TM9SF2: variants seen among roughly 807,000 people sequenced by gnomAD.
The protein encoded by TM9SF2 is 76 kDa membrane protein.
In TM9SF2, 13 loss-of-function variants were observed where a neutral mutation model predicts 84.9. That is an observed-to-expected ratio of 0.15 (90% confidence interval 0.10 to 0.24). The LOEUF (loss-of-function observed/expected upper bound fraction) is 0.24, where lower values mean the gene tolerates loss of function less well. TM9SF2 is among the 10% of genes least tolerant of loss of function. The pLI, the probability that TM9SF2 is intolerant of heterozygous loss-of-function variation, is 1.00. For missense variants in TM9SF2, 562 were observed against 818.5 expected (o/e 0.69, Z 3.82); for synonymous variants, 273 against 285.8 (o/e 0.96, Z 0.45).
chr13:99,508,439 A>ACC (rs1566562089), intron 1 of TM9SF2, among the ~76,000 whole-genome samples: 1 of 151,448 alleles, frequency 6.6e-6, no homozygotes, highest in African/African-American at 2.4e-5. Flanking sequence ...ACACACACAC[A>ACC]CACACCCCAG....
At chr13:99,539,839 T>C (rs1355722350) in intron 7 of TM9SF2, among the ~76,000 whole-genome samples, 2 of 152,190 alleles carry the variant, frequency 1.3e-5, no homozygotes, top group Admixed American at 1.3e-4. Context: ...GAGGACGGGA[T>C]GGAAATGCCA....
intron 3 of TM9SF2, among the ~76,000 whole-genome samples, chr13:99,523,916 C>T (rs998186525): frequency 1.3e-5 from 2 of 151,964 alleles, no homozygotes; most frequent in Non-Finnish European, 2.9e-5. Flanking sequence ...AAAGCCTTAC[C>T]GAGAAGGTGA....
intron 2 of TM9SF2, 26 bp downstream of exon 2, chr13:99,517,707 A>T (rs753070585): frequency 1.2e-5 from 18 of 1,511,842 alleles, no homozygotes; most frequent in Middle Eastern, 1.7e-4. Flanking sequence ...TGGCTTTTAT[A>T]TAAAATTTTA....
At chr13:99,555,383 C>T (rs547532526) in intron 14 of TM9SF2, among the ~76,000 whole-genome samples, 153 bp from the exon 15 acceptor site, 6 of 152,284 alleles carry the variant, frequency 3.9e-5, no homozygotes, top group African/African-American at 1.2e-4. Flanking sequence ...CCTTCCCCAC[C>T]CCATCACCAT....
At chr13:99,547,751 C>G (rs552230903) in intron 11 of TM9SF2, among the ~76,000 whole-genome samples, 1 of 152,278 alleles carries the variant, frequency 6.6e-6, no homozygotes, top group South Asian at 2.1e-4. Flanking sequence ...GCAGGGTCAG[C>G]AGGGACCAGA....
Position 99,543,849 on chromosome 13 carries a change from C to A in TM9SF2, c.1018-14C>A. 6.2e-7 allele frequency: 1 copy of A among 1,613,272 alleles called. No homozygotes were observed. The highest frequency in any genetic ancestry group is 8.5e-7 in the Non-Finnish European group (1 of 1,179,502). On this transcript the variant is annotated splice_polypyrimidine_tract_variant and intron_variant, in intron 9 of 16. Transcript: ENST00000376387. ...TACCATGAGACAATCGAACTGATTT[C>A]ATTCCCCTTTTAGGAAGATGCCCAG...
chr13:99,535,497 C>T (rs757876255), intron 4 of TM9SF2, among the ~76,000 whole-genome samples: 1 of 152,050 alleles, frequency 6.6e-6, no homozygotes, highest in Non-Finnish European at 1.5e-5. Context: ...TATAACAATG[C>T]GTTTATGCTT....
intron 4 of TM9SF2, among the ~76,000 whole-genome samples, chr13:99,533,123 T>A (rs1194368295): frequency 2.0e-5 from 3 of 152,236 alleles, no homozygotes; most frequent in Non-Finnish European, 4.4e-5. Context: ...CATGGGAATT[T>A]ACAGTATTCT....
At position 99,547,097 on chromosome 13, in the gene TM9SF2, C is replaced by G; in HGVS notation, c.1263C>G (p.Phe421Leu). The G allele has an allele frequency of 6.2e-7, 1 of 1,614,092 alleles. No individual in the cohort carries two copies. Among genetic ancestry groups the G allele is most frequent in the Non-Finnish European group, 8.5e-7 (1 of 1,179,998 alleles). Residue 421 changes from phenylalanine to leucine, a missense_variant, in exon 11 of 17, where the codon TTC becomes TTG. Around this residue, in one of 4 missense-constraint regions of TM9SF2, gnomAD observed 219 missense variants for 338.1 expected, o/e 0.65. Coordinates refer to ENST00000376387, the MANE Select transcript of TM9SF2 (RefSeq NM_004800.3). The stretch of plus-strand genomic sequence containing the variant: ...CTGCAGGCTATGTTGCTGCCAGATT[C>G]TATAAGTGTAAGTCAAAGCCACTGT... ...GTPAGYVAAR[F>L]YKSFGGEKWK...
intron 12 of TM9SF2, among the ~76,000 whole-genome samples, chr13:99,550,115 C>T (rs9517767): frequency 6.6e-6 from 1 of 151,990 alleles, no homozygotes; most frequent in Non-Finnish European, 1.5e-5. Flanking sequence ...TCAGGCACCT[C>T]TCCCTCTAGT....
At chr13:99,544,356 A>G (rs544554196) in intron 10 of TM9SF2, among the ~76,000 whole-genome samples, 3 of 151,744 alleles carry the variant, frequency 2.0e-5, no homozygotes, top group African/African-American at 7.3e-5. Context: ...AAAAAAAACA[A>G]AAAACACCAC....
chr13:99,558,095 A>G (rs1348853406), intron 15 of TM9SF2, among the ~76,000 whole-genome samples: 1 of 152,190 alleles, frequency 6.6e-6, no homozygotes, highest in Non-Finnish European at 1.5e-5. Flanking sequence ...TCCTCATTTA[A>G]TGGTCTTGGC....
chr13:99,555,765 T>A, intron 15 of TM9SF2, 118 bp downstream of exon 15: 1 of 580,764 alleles, frequency 1.7e-6, no homozygotes, highest in Non-Finnish European at 2.9e-6. Flanking sequence ...TGATAGACAT[T>A]GACCTGTATT....
At position 99,543,915 on chromosome 13, in the gene TM9SF2, G is replaced by A. The variant is rs746424455; in HGVS notation, c.1070G>A (p.Arg357His). Residue 357 changes from arginine (R) to histidine (H), a missense_variant, in exon 10 of 17, where the codon CGT (arginine) becomes CAT (histidine). Physicochemically the swap from Arg to His is conservative, Grantham distance 29 (BLOSUM62 0). This residue lies in a region of TM9SF2 where 219 missense variants were observed against 338.1 expected (regional missense o/e 0.65). Transcript: ENST00000376387. ...GWKLVHGDIF[R>H]PPRKGMLLSV... ...AAACTTGTTCATGGTGATATATTCC[G>A]TCCTCCAAGAAAAGGGATGCTGCTA... The A allele has an allele frequency of 3.1e-6, 5 of 1,614,090 alleles. No homozygotes were observed. The highest frequency in any genetic ancestry group is 1.7e-5 in the Admixed American group (1 of 60,030).
At chr13:99,552,698 G>A (rs1268772070) in intron 13 of TM9SF2, among the ~76,000 whole-genome samples, 1 of 152,156 alleles carries the variant, frequency 6.6e-6, no homozygotes, top group East Asian at 1.9e-4. Flanking sequence ...CCACCTTCAG[G>A]GTTAAAGCGA....
chr13:99,536,502 C>A, intron 4 of TM9SF2, 106 bp from the exon 5 acceptor site: 2 of 1,327,794 alleles, frequency 1.5e-6, no homozygotes, highest in East Asian at 2.4e-5. Flanking sequence ...AATCTTAAGG[C>A]ATTTACACAT....
intron 16 of TM9SF2, among the ~76,000 whole-genome samples, chr13:99,562,089 A>G (rs1344793460): frequency 1.3e-5 from 2 of 152,230 alleles, no homozygotes; most frequent in Non-Finnish European, 2.9e-5. Flanking sequence ...TGGAGATGTC[A>G]GTGGACTTGC....
intron 12 of TM9SF2, among the ~76,000 whole-genome samples, chr13:99,551,562 G>A (rs2046305657): frequency 6.6e-6 from 1 of 152,216 alleles, no homozygotes; most frequent in South Asian, 2.1e-4. Context: ...AAAAGGGAAA[G>A]TGGTTGCGCT....
intron 15 of TM9SF2, among the ~76,000 whole-genome samples, chr13:99,557,949 A>AT (rs1415771411): frequency 6.6e-6 from 1 of 152,210 alleles, no homozygotes; most frequent in Non-Finnish European, 1.5e-5. Context: ...TAAGTGTTAT[A>AT]GCTTTACCTC....
Sources: gnomAD v4.1 joint callset for allele counts (sites outside exome capture counted in the v4.1 genomes callset) on GRCh38, gnomAD v4.1.1 for gene constraint, gnomAD v4.1.1 regional missense constraint, MANE v1.5 for transcripts, NCBI Gene and HGNC (gene_info 2026-07-23, HGNC 2026-07-21) for gene names.